TMEM184C: variants seen among roughly 807,000 people sequenced by gnomAD.
TMEM184C encodes the protein transmembrane protein 184C.
Under a neutral mutation model 54.5 loss-of-function variants are expected in TMEM184C, and 25 were observed. The ratio of observed to expected loss-of-function variants is 0.46; its 90% CI spans 0.33 to 0.64. The LOEUF (loss-of-function observed/expected upper bound fraction) is 0.64, where lower values mean the gene tolerates loss of function less well. Ranked by LOEUF, TMEM184C falls within the 30% of genes least tolerant of loss-of-function variation. The pLI is 0.02. For synonymous variants in TMEM184C, 148 were observed against 181.5 expected, an observed-to-expected ratio of 0.82 and a Z score of 1.49; for missense variants, 335 against 520.3, an observed-to-expected ratio of 0.64 and a Z score of 3.46.
Position 147,633,010 on chromosome 4 carries a change from G to A in TMEM184C, c.879+8G>A. On this transcript the variant is annotated splice_region_variant and intron_variant, in intron 8 of 9. Transcript: ENST00000296582. ...GTGGCCACCGGACTCCAGGTAAGTA[G>A]TGCCATCTCTGAATTCAATAGAACT... The A allele has an allele frequency of 1.2e-6, 2 of 1,608,670 alleles. No homozygotes were observed. The highest frequency in any genetic ancestry group is 1.7e-6 in the Non-Finnish European group (2 of 1,175,844).
At position 147,629,690 on chromosome 4, in the gene TMEM184C, T is replaced by C. The variant is rs151036604; in HGVS notation, c.664T>C (p.Leu222=). 0.017 allele frequency: 26,715 copies of C among 1,564,836 alleles called. 311 individuals are homozygous for C. Among genetic ancestry groups the C allele is most frequent in the Non-Finnish European group, 0.019 (21,686 of 1,159,506 alleles). Residue 222 remains leucine (L), a splice_region_variant and synonymous_variant, in exon 6 of 10, where the codon TTG becomes CTG. Transcript: ENST00000296582. ...YLVIINNMSQ[L]FAMYCLLLFY... ...GGTTATAATAAACAACATGTCACAG[T>C]TGGTAAGTAAAATGTTCACTTTTCT...
chr4:147,628,481 T>C (rs761466292), intron 5 of TMEM184C, 46 bp downstream of exon 5: 1 of 1,487,076 alleles, frequency 6.7e-7, no homozygotes. Context: ...ATCCTTGTGA[T>C]CTTATGTGGG....
chr4:147,630,199 G>A (rs954502506), intron 6 of TMEM184C, among the ~76,000 whole-genome samples: 3 of 152,166 alleles, frequency 2.0e-5, no homozygotes, highest in African/African-American at 2.4e-5. Context: ...GAAACTGTAT[G>A]TTCCAAAGAC....
At chr4:147,630,282 G>C (rs1322775624) in intron 6 of TMEM184C, among the ~76,000 whole-genome samples, 5 of 152,028 alleles carry the variant, frequency 3.3e-5, no homozygotes, top group Non-Finnish European at 7.4e-5. Flanking sequence ...TTTGACTAAT[G>C]CTGTCAGCAA....
chr4:147,635,662 A>G lies in TMEM184C; in HGVS notation c.*1228A>G, dbSNP rs1400768061. The G allele has an allele frequency of 6.6e-6, 1 of 152,178 alleles. No individual in the cohort carries two copies. The highest frequency in any genetic ancestry group is 1.9e-4 in the East Asian group (1 of 5,206). The allele number at this position is 152,178 out of a possible 1,614,324, so 9.4% of individuals were successfully genotyped here. A position where few individuals can be genotyped will look rare whatever the true frequency, so the allele number is the denominator to read the frequency against. ...AGAGAGATAGTGGTTCACAGTAATC[A>G]TACAAAGTCTTTATTCCATCCACTA... On this transcript the variant is annotated 3_prime_UTR_variant, in exon 10 of 10. Transcript: ENST00000296582.
At chr4:147,633,967 A>T in intron 9 of TMEM184C, 31 bp downstream of exon 9, 1 of 1,591,142 alleles carries the variant, frequency 6.3e-7, no homozygotes, top group South Asian at 1.1e-5. Context: ...TCAACCAAAT[A>T]GGTTGGGTAG....
chr4:147,618,387 A>G (rs1732639748), intron 1 of TMEM184C, among the ~76,000 whole-genome samples: 1 of 152,210 alleles, frequency 6.6e-6, no homozygotes, highest in African/African-American at 2.4e-5. Context: ...TGATCTGTTC[A>G]GACATTGGAC....
chr4:147,624,325 CAG>C lies in TMEM184C; in HGVS notation c.291+229_291+230del, dbSNP rs1257530830. Among the ~76,000 whole-genome samples, 1,081 of 152,146 alleles carry C rather than the reference CAG, an allele frequency of 7.1e-3. 13 individuals carry two copies. Among genetic ancestry groups the C allele is most frequent in the African/African-American group, 0.025 (1,043 of 41,550 alleles). On this transcript the variant is annotated intron_variant, in intron 3 of 9. Transcript: ENST00000296582. Reference sequence around the variant, plus strand: ...AGCTGTTTGCTTTCTTTTAAACTTTCAGATTGTTAAAGAATGTAATATTTTAA... The same window carrying C: ...AGCTGTTTGCTTTCTTTTAAACTTTCATTGTTAAAGAATGTAATATTTTAA...
chr4:147,617,452 C>T lies in TMEM184C; in HGVS notation c.-505C>T, dbSNP rs1335676470. 1.2e-5 allele frequency: 2 copies of T among 160,344 alleles called. No homozygotes were observed. Among genetic ancestry groups the T allele is most frequent in the East Asian group, 1.7e-4 (1 of 5,858 alleles). The allele number at this position is 160,344 out of a possible 1,614,324, so 9.9% of individuals were successfully genotyped here. On this transcript the variant is annotated 5_prime_UTR_variant, in exon 1 of 10. Coordinates refer to ENST00000296582, the MANE Select transcript of TMEM184C (RefSeq NM_018241.3). ...GTCCCGTGCGAAAGAATGAGGAGAT[C>T]CTGGGGCCTTACCTACTAGCGGAAT...
Position 147,617,969 on chromosome 4 carries a change from T to G in TMEM184C, c.13T>G (p.Cys5Gly). ...TTTGTGCGAAAACATGCCTTGCACT[T>G]GTACCTGGAGGAACTGGAGACAGTG... is the stretch of plus-strand genomic sequence containing the variant. MPCTCTWRNWRQWIR... is the reference protein window; with the variant it reads MPCTGTWRNWRQWIR... The change falls in exon 1 of 10, where the codon TGT becomes GGT. Residue 5 changes from cysteine (C) to glycine (G), a missense_variant. Coordinates refer to ENST00000296582, the MANE Select transcript of TMEM184C (RefSeq NM_018241.3). The G allele has an allele frequency of 6.2e-7, 1 of 1,614,182 alleles. No homozygotes were observed. The highest frequency in any genetic ancestry group is 1.1e-5 in the South Asian group (1 of 91,088).
At chr4:147,631,683 C>T (rs1156465453) in intron 7 of TMEM184C, among the ~76,000 whole-genome samples, 178 bp downstream of exon 7, 2 of 151,860 alleles carry the variant, frequency 1.3e-5, no homozygotes, top group Admixed American at 6.6e-5. Context: ...ATTAGATGGT[C>T]GCTGTAACAT....
intron 3 of TMEM184C, among the ~76,000 whole-genome samples, chr4:147,624,345 T>G (rs1156925687): frequency 6.7e-6 from 1 of 150,122 alleles, no homozygotes; most frequent in Non-Finnish European, 1.5e-5. Context: ...AAGAATGTAA[T>G]ATTTTAAATT....
At chr4:147,627,348 T>C (rs1560953185) in intron 4 of TMEM184C, among the ~76,000 whole-genome samples, 1 of 152,178 alleles carries the variant, frequency 6.6e-6, no homozygotes, top group Non-Finnish European at 1.5e-5. Context: ...TAGAATACAG[T>C]GGCGTGATCT....
chr4:147,618,008 G>A lies in TMEM184C; in HGVS notation c.52G>A (p.Val18Ile). The A allele has an allele frequency of 6.2e-7, 1 of 1,614,172 alleles. No homozygotes were observed. Among genetic ancestry groups the A allele is most frequent in the Non-Finnish European group, 8.5e-7 (1 of 1,180,020 alleles). Residue 18 changes from valine (V) to isoleucine (I), a missense_variant, in exon 1 of 10, where the codon GTA becomes ATA. Val to Ile is a conservative substitution (Grantham distance 29). Transcript: ENST00000296582. Reference protein sequence around the residue: ...RNWRQWIRPLVAVIYLVSIVV... With the variant: ...RNWRQWIRPLIAVIYLVSIVV... Reference sequence around the variant, plus strand: ...CTGGAGACAGTGGATTCGACCTTTAGTAGCGGTCATCTACCTGGTGTCAAT... The same window carrying A: ...CTGGAGACAGTGGATTCGACCTTTAATAGCGGTCATCTACCTGGTGTCAAT...
Position 147,617,835 on chromosome 4 carries a change from G to C in TMEM184C, c.-122G>C. ...GGAGGCGGCTCGAGCTGTTCGTAAA[G>C]TCGCCCGACAGCTTTTTCTCCGTAG... On this transcript the variant is annotated 5_prime_UTR_variant, in exon 1 of 10. Transcript: ENST00000296582. The C allele has an allele frequency of 1.4e-6, 2 of 1,435,942 alleles. No homozygotes were observed. 89.0% of individuals were successfully genotyped at this position (1,435,942 alleles called of 1,614,324 possible).
chr4:147,622,865 C>G (rs1353483038), intron 1 of TMEM184C, among the ~76,000 whole-genome samples: 3 of 152,070 alleles, frequency 2.0e-5, no homozygotes, highest in Non-Finnish European at 4.4e-5. Context: ...TGGGCTCAAG[C>G]AGATCTCCCA....
chr4:147,632,018 A>C (rs1288615363), intron 7 of TMEM184C, among the ~76,000 whole-genome samples: 2 of 152,082 alleles, frequency 1.3e-5, no homozygotes, highest in Non-Finnish European at 2.9e-5. Flanking sequence ...TACTAAAAAT[A>C]CAAAAATCAG....
chr4:147,625,076 A>G (rs771579309), intron 4 of TMEM184C, 67 bp downstream of exon 4: 56 of 1,489,520 alleles, frequency 3.8e-5, no homozygotes, highest in Non-Finnish European at 4.9e-5. Context: ...TTAAGTAGCA[A>G]TCAGCTCTTT....
At chr4:147,633,681 T>G in intron 8 of TMEM184C, 84 bp from the exon 9 acceptor site, 2 of 1,195,148 alleles carry the variant, frequency 1.7e-6, no homozygotes, top group East Asian at 2.6e-5. Context: ...TTAGCACTTT[T>G]GAAAAGCAAG....
Sources: allele counts gnomAD v4.1 joint callset (sites outside exome capture counted in the v4.1 genomes callset), GRCh38; gene constraint gnomAD v4.1.1; transcripts MANE v1.5; gene names NCBI Gene and HGNC (gene_info 2026-07-23, HGNC 2026-07-21).